CADM2: variants seen among roughly 807,000 people sequenced by gnomAD.
CADM2 encodes the protein immunoglobulin superfamily member 4D.
In CADM2, 12 loss-of-function variants were observed where a neutral mutation model predicts 49.8. The ratio of observed to expected loss-of-function variants is 0.24; its 90% CI spans 0.15 to 0.39. The LOEUF (loss-of-function observed/expected upper bound fraction) is 0.39. CADM2 is among the 10% of genes least tolerant of loss of function. CADM2 has a pLI of 1.00. For synonymous variants in CADM2, 214 were observed against 175.4 expected, an observed-to-expected ratio of 1.22 and a Z score of -1.74; for missense variants, 378 against 492.3, an observed-to-expected ratio of 0.77 and a Z score of 2.20.
intron 1 of CADM2, among the ~76,000 whole-genome samples, chr3:85,637,542 C>T (rs1402690145): frequency 6.8e-6 from 1 of 147,196 alleles, no homozygotes; most frequent in Non-Finnish European, 1.5e-5. Context: ...GCGGAGCTTG[C>T]AGTGAGCCGA....
intron 3 of CADM2, among the ~76,000 whole-genome samples, chr3:85,837,417 GA>G (rs984677805): frequency 4.6e-5 from 7 of 151,438 alleles, no homozygotes; most frequent in African/African-American, 1.5e-4. Context: ...TAATTAGGGG[GA>G]AAAAAACAGT....
chr3:85,520,176 A>G (rs1483457734), intron 1 of CADM2, among the ~76,000 whole-genome samples: 2 of 152,008 alleles, frequency 1.3e-5, no homozygotes, highest in Non-Finnish European at 1.5e-5. Flanking sequence ...TTTAGAACTC[A>G]AAGTGAACAA....
chr3:85,290,883 CT>C (rs2043773161), intron 1 of CADM2, among the ~76,000 whole-genome samples: 3 of 152,222 alleles, frequency 2.0e-5, no homozygotes, highest in Non-Finnish European at 2.9e-5. Context: ...CAGAGCGCCT[CT>C]CCTTCTCAAA....
chr3:86,029,925 G>A (rs977738757), intron 8 of CADM2, among the ~76,000 whole-genome samples: 1 of 152,010 alleles, frequency 6.6e-6, no homozygotes, highest in Non-Finnish European at 1.5e-5. Context: ...AAGCAGTTTG[G>A]TGTGGAGCCC....
intron 1 of CADM2, among the ~76,000 whole-genome samples, chr3:85,169,537 T>A (rs748511965): frequency 1.3e-5 from 2 of 152,126 alleles, no homozygotes; most frequent in Non-Finnish European, 2.9e-5. Flanking sequence ...TCTGGGAGGC[T>A]GAAGCAGGTG....
At position 86,065,614 on chromosome 3, in the gene CADM2, C is replaced by T. The variant is rs370545332; in HGVS notation, c.980C>T (p.Ala327Val). 1 of 1,612,610 alleles carries T rather than the reference C, an allele frequency of 6.2e-7. No individual in the cohort carries two copies. Among genetic ancestry groups the T allele is most frequent in the African/African-American group, 1.3e-5 (1 of 74,972 alleles). The stretch of plus-strand genomic sequence containing the variant: ...TTCCTGTCTTTTCCAGATCCTAATG[C>T]TTTGGCTGGCCAGAATGGCCCTGAC... ...EYVLIVHDPN[A>V]LAGQNGPDHA... is the part of the protein sequence containing the mutation. Residue 327 changes from alanine (A) to valine (V), a missense_variant, in exon 9 of 10, where the codon GCT becomes GTT. Physicochemically the swap from Ala to Val is moderately conservative, Grantham distance 64 (BLOSUM62 0). Coordinates refer to ENST00000383699, the MANE Select transcript of CADM2 (RefSeq NM_001167675.2).
At chr3:85,200,471 C>T (rs566382157) in intron 1 of CADM2, among the ~76,000 whole-genome samples, 8 of 152,116 alleles carry the variant, frequency 5.3e-5, no homozygotes, top group Middle Eastern at 3.4e-3. Context: ...AATAGGGACA[C>T]GATGTACCCT....
chr3:86,065,421 C>T (rs947964616), intron 8 of CADM2, among the ~76,000 whole-genome samples, 184 bp from the exon 9 acceptor site: 2 of 152,116 alleles, frequency 1.3e-5, no homozygotes, highest in Admixed American at 6.5e-5. Context: ...ATTGATATAT[C>T]AAATGTTATA....
intron 1 of CADM2, among the ~76,000 whole-genome samples, chr3:85,393,304 G>A (rs115716697): frequency 0.014 from 2,148 of 152,192 alleles, 23 homozygotes; most frequent in Non-Finnish European, 0.025. Flanking sequence ...AAGGTGGTCC[G>A]GGAGAAGGAT....
intron 1 of CADM2, among the ~76,000 whole-genome samples, chr3:85,084,780 G>T (rs1409504589): frequency 6.6e-6 from 1 of 151,988 alleles, no homozygotes; most frequent in East Asian, 1.9e-4. Flanking sequence ...TTGTTTCAAT[G>T]AATGGATTAA....
At chr3:86,007,737 G>A (rs1256572256) in intron 8 of CADM2, among the ~76,000 whole-genome samples, 2 of 152,138 alleles carry the variant, frequency 1.3e-5, no homozygotes, top group Admixed American at 6.5e-5. Context: ...ATACTATCAA[G>A]ACCAAGGAAA....
At chr3:85,908,573 A>C (rs1316244192) in intron 5 of CADM2, among the ~76,000 whole-genome samples, 2 of 151,972 alleles carry the variant, frequency 1.3e-5, no homozygotes, top group Non-Finnish European at 2.9e-5. Context: ...ATTATAGAAA[A>C]TTTCTGACAT....
intron 7 of CADM2, among the ~76,000 whole-genome samples, chr3:85,957,774 A>G (rs1406219771): frequency 6.6e-6 from 1 of 151,844 alleles, no homozygotes; most frequent in East Asian, 2.0e-4. Context: ...GGGATAGCTC[A>G]CAGAACTCAG....
At chr3:85,106,612 T>C (rs1213191208) in intron 1 of CADM2, among the ~76,000 whole-genome samples, 2 of 152,228 alleles carry the variant, frequency 1.3e-5, no homozygotes, top group Admixed American at 6.6e-5. Flanking sequence ...AATGATCTAA[T>C]GTAAAATATA....
At chr3:85,765,998 C>T (rs954496158) in intron 2 of CADM2, among the ~76,000 whole-genome samples, 5 of 152,066 alleles carry the variant, frequency 3.3e-5, no homozygotes, top group Non-Finnish European at 7.4e-5. Flanking sequence ...GTGCATATTT[C>T]CTGAACCAGT....
Position 85,436,472 on chromosome 3 carries a change from G to T in CADM2, c.62-290050G>T, listed in dbSNP as rs563323858. On this transcript the variant is annotated intron_variant, in intron 1 of 9. Coordinates refer to ENST00000383699, the MANE Select transcript of CADM2 (RefSeq NM_001167675.2). The stretch of plus-strand genomic sequence containing the variant: ...TGTTGAATAGGAGCAGTGAGAGAGA[G>T]CATCCTTGTCTTGTGCCGGTTTTCA... Among the ~76,000 whole-genome samples the T allele has an allele frequency of 3.6e-4, 55 of 152,180 alleles. 1 individual carries two copies. The highest frequency in any genetic ancestry group is 1.6e-3 in the Admixed American group (24 of 15,248).
At chr3:85,197,435 A>G (rs935982841) in intron 1 of CADM2, among the ~76,000 whole-genome samples, 2 of 151,970 alleles carry the variant, frequency 1.3e-5, no homozygotes, top group Non-Finnish European at 2.9e-5. Context: ...GTCTAATACT[A>G]AGGTAATAAG....
chr3:85,726,836 C>T (rs910497856), intron 2 of CADM2, among the ~76,000 whole-genome samples: 1 of 151,872 alleles, frequency 6.6e-6, no homozygotes, highest in East Asian at 1.9e-4. Context: ...ATTTTGCATG[C>T]GTACCTTAGT....
chr3:85,714,311 A>G (rs1054709379), intron 1 of CADM2, among the ~76,000 whole-genome samples: 4 of 152,220 alleles, frequency 2.6e-5, no homozygotes, highest in African/African-American at 9.6e-5. Flanking sequence ...GGCCAGATCA[A>G]CACATGGTCC....
Sources: allele counts gnomAD v4.1 joint callset (sites outside exome capture counted in the v4.1 genomes callset), GRCh38; gene constraint gnomAD v4.1.1; transcripts MANE v1.5; gene names NCBI Gene and HGNC (gene_info 2026-07-23, HGNC 2026-07-21).